RBBP8: variants seen among roughly 807,000 people sequenced by gnomAD.
RBBP8 encodes the protein DNA endonuclease RBBP8.
Under a neutral mutation model 108.3 loss-of-function variants are expected in RBBP8, and 88 were observed. That is an observed-to-expected ratio of 0.81 (90% CI 0.68 to 0.97). The LOEUF (loss-of-function observed/expected upper bound fraction) is 0.97. Ranked by LOEUF, RBBP8 falls within the 50% of genes least tolerant of loss-of-function variation. The pLI is 0.00. For missense variants in RBBP8, 1,023 were observed against 1,049.0 expected (o/e 0.98, Z 0.34); for synonymous variants, 332 against 348.2 (o/e 0.95, Z 0.52).
intron 3 of RBBP8, among the ~76,000 whole-genome samples, chr18:22,923,137 CAT>C (rs138283711): frequency 7.8e-4 from 118 of 151,398 alleles, no homozygotes; most frequent in Middle Eastern, 3.5e-3. Flanking sequence ...CAGTTTCTTA[CAT>C]ATATATATAT....
At chr18:22,998,449 T>C (rs892162533) in intron 14 of RBBP8, among the ~76,000 whole-genome samples, 2 of 152,200 alleles carry the variant, frequency 1.3e-5, no homozygotes, top group Non-Finnish European at 1.5e-5. Flanking sequence ...ATGAGAACAA[T>C]AGGAGGATTT....
chr18:22,962,707 C>A (rs112402334), intron 4 of RBBP8, among the ~76,000 whole-genome samples: 1 of 147,070 alleles, frequency 6.8e-6, no homozygotes, highest in East Asian at 2.2e-4. Flanking sequence ...CTCCACCCCC[C>A]CTACCTCAAC....
chr18:23,003,772 T>C (rs2045987156), intron 15 of RBBP8, among the ~76,000 whole-genome samples: 1 of 152,120 alleles, frequency 6.6e-6, no homozygotes, highest in Non-Finnish European at 1.5e-5. Flanking sequence ...TGTAAATTAG[T>C]ATAGCCATTT....
At chr18:22,993,911 C>CT (rs2045797848) in intron 12 of RBBP8, 64 bp downstream of exon 12, 6 of 1,497,038 alleles carry the variant, frequency 4.0e-6, no homozygotes, top group Middle Eastern at 1.7e-4. Flanking sequence ...TCATTATTTA[C>CT]TTTTTTAAAT....
At chr18:22,986,394 A>T (rs1258281914) in intron 8 of RBBP8, among the ~76,000 whole-genome samples, 1 of 152,194 alleles carries the variant, frequency 6.6e-6, no homozygotes, top group Non-Finnish European at 1.5e-5. Flanking sequence ...AAAAATTGTT[A>T]AGGTGTAATG....
intron 4 of RBBP8, among the ~76,000 whole-genome samples, chr18:22,951,465 A>T (rs1912028775): frequency 6.6e-6 from 1 of 152,096 alleles, no homozygotes; most frequent in Admixed American, 6.6e-5. Context: ...GGATCTGTGT[A>T]GAAAAAAAAA....
At chr18:22,982,512 C>A in intron 7 of RBBP8, 119 bp downstream of exon 7, 1 of 1,552,816 alleles carries the variant, frequency 6.4e-7, no homozygotes, top group Non-Finnish European at 8.7e-7. Context: ...TCCCATGGTA[C>A]AACTATGAGT....
At chr18:22,992,651 C>T (rs73398643) in intron 10 of RBBP8, 97 bp from the exon 11 acceptor site, 1 of 1,017,560 alleles carries the variant, frequency 9.8e-7, no homozygotes, top group Non-Finnish European at 1.5e-6. Context: ...AAAAGCTGTA[C>T]CTTGTCTTAA....
At chr18:22,957,291 C>CTTTTTTTTTTTTTTTTTTTTTTT (rs11418623) in intron 4 of RBBP8, among the ~76,000 whole-genome samples, 5 of 92,840 alleles carry the variant, frequency 5.4e-5, no homozygotes, top group Admixed American at 1.5e-4. Flanking sequence ...ATTACTTTTT[C>CTTTTTTTTTTTTTTTTTTTTTTT]TTTTTTTTTT....
At chr18:22,939,385 A>G (rs139439769) in intron 2 of RBBP8, among the ~76,000 whole-genome samples, 17 of 152,236 alleles carry the variant, frequency 1.1e-4, no homozygotes, top group African/African-American at 3.9e-4. Context: ...GCGCACCTGT[A>G]ATCCCCGCTA....
intron 4 of RBBP8, among the ~76,000 whole-genome samples, chr18:22,957,586 TG>T (rs1654391683): frequency 6.6e-6 from 1 of 152,206 alleles, no homozygotes; most frequent in Non-Finnish European, 1.5e-5. Context: ...TTTGTGGAAT[TG>T]CCCTTTTTTC....
chr18:23,012,774 T>C (rs1411772864), intron 16 of RBBP8, among the ~76,000 whole-genome samples: 2 of 152,206 alleles, frequency 1.3e-5, no homozygotes, highest in Non-Finnish European at 2.9e-5. Flanking sequence ...AGATTTTCAG[T>C]GCAGATGAAA....
chr18:22,937,774 G>A (rs1910703650), intron 2 of RBBP8, among the ~76,000 whole-genome samples: 1 of 150,616 alleles, frequency 6.6e-6, no homozygotes, highest in Admixed American at 6.6e-5. Context: ...CACTGCGCCT[G>A]GCCCAAAGAT....
At chr18:22,981,384 A>G (rs561991242) in intron 6 of RBBP8, among the ~76,000 whole-genome samples, 2 of 152,238 alleles carry the variant, frequency 1.3e-5, no homozygotes, top group East Asian at 3.9e-4. Flanking sequence ...TAGACTATGG[A>G]TAACACATTT....
chr18:22,959,307 C>T (rs1355838020), intron 4 of RBBP8, among the ~76,000 whole-genome samples: 1 of 152,204 alleles, frequency 6.6e-6, no homozygotes, highest in African/African-American at 2.4e-5. Flanking sequence ...TCATTGTTAG[C>T]ATTCCAGTAC....
chr18:23,008,905 C>G (rs990471305), intron 16 of RBBP8, among the ~76,000 whole-genome samples: 2 of 150,880 alleles, frequency 1.3e-5, no homozygotes, highest in Non-Finnish European at 2.9e-5. Flanking sequence ...TCCTGAGTAG[C>G]TGGGACTACA....
intron 4 of RBBP8, among the ~76,000 whole-genome samples, chr18:22,966,392 G>T (rs1431893900): frequency 6.6e-6 from 1 of 151,684 alleles, no homozygotes; most frequent in Non-Finnish European, 1.5e-5. Flanking sequence ...CCTATCTTTT[G>T]ATTTTACATC....
intron 10 of RBBP8, 44 bp from the exon 11 acceptor site, chr18:22,992,700 CCTTA>C (rs1214412213): frequency 6.7e-7 from 1 of 1,500,782 alleles, no homozygotes; most frequent in African/African-American, 1.4e-5. Context: ...GTAGATAAGA[CCTTA>C]CTATTAATTC....
chr18:22,973,961 A>G (rs1914316350), intron 5 of RBBP8, among the ~76,000 whole-genome samples: 1 of 152,184 alleles, frequency 6.6e-6, no homozygotes, highest in Non-Finnish European at 1.5e-5. Context: ...GCTTTAGGTC[A>G]CTGTCTATAT....
Sources: allele counts gnomAD v4.1 joint callset (sites outside exome capture counted in the v4.1 genomes callset), GRCh38; gene constraint gnomAD v4.1.1; transcripts MANE v1.5; gene names NCBI Gene and HGNC (gene_info 2026-07-23, HGNC 2026-07-21).